GLB1L3: variants seen among roughly 807,000 people sequenced by gnomAD.
The protein encoded by GLB1L3 is beta-galactosidase-1-like protein 3.
Under a neutral mutation model 89.5 loss-of-function variants are expected in GLB1L3, and 89 were observed. The observed-to-expected ratio is 0.99, with a 90% CI of 0.84 to 1.19. The LOEUF is 1.19. GLB1L3 is among the 50% of genes most tolerant of loss of function. The pLI, the probability that GLB1L3 is intolerant of heterozygous loss-of-function variation, is 0.00. For missense variants in GLB1L3, 812 were observed against 813.3 expected, an observed-to-expected ratio of 1.00 and a Z score of 0.02; for synonymous variants, 314 against 312.3, an observed-to-expected ratio of 1.01 and a Z score of -0.06.
At chr11:134,309,949 A>G in intron 11 of GLB1L3, 186 bp downstream of exon 11, 1 of 656,408 alleles carries the variant, frequency 1.5e-6, no homozygotes, top group Non-Finnish European at 2.6e-6. Flanking sequence ...CTGTCATTGC[A>G]GTAGACAGGG....
At chr11:134,318,852 C>A (rs1260029146) in intron 19 of GLB1L3, 25 bp from the exon 20 acceptor site, 2 of 1,605,314 alleles carry the variant, frequency 1.2e-6, no homozygotes, top group Non-Finnish European at 1.7e-6. Flanking sequence ...ACCTTTCCCA[C>A]TGTCAACCTT....
chr11:134,313,889 A>C, intron 16 of GLB1L3, 52 bp from the exon 17 acceptor site: 1 of 1,159,262 alleles, frequency 8.6e-7, no homozygotes, highest in Non-Finnish European at 1.3e-6. Flanking sequence ...ATGCTAGAGA[A>C]TATCCAGTCC....
In GLB1L3 at chr11:134,289,076, C is replaced by T. The variant is rs959821241; in HGVS notation, c.729+186C>T. 6.1e-4 allele frequency: 312 copies of T among 511,666 alleles called. 2 individuals carry two copies. The highest frequency in any genetic ancestry group is 7.6e-5 in the Non-Finnish European group (22 of 289,622). 31.7% of individuals were successfully genotyped at this position (511,666 alleles called of 1,614,324 possible). ...GAAAATTTGCGTATAACTTTTGACT[C>T]CCTCAAAATTTAGTCACTAATAGTC... On this transcript the variant is annotated intron_variant, in intron 7 of 19. Transcript: ENST00000431683.
intron 5 of GLB1L3, among the ~76,000 whole-genome samples, chr11:134,282,790 C>T (rs940360432): frequency 6.6e-6 from 1 of 152,224 alleles, no homozygotes; most frequent in Admixed American, 6.5e-5. Context: ...AGCACCTCTG[C>T]ACCTCAGAGT....
downstream of GLB1L3, among the ~76,000 whole-genome samples, chr11:134,319,762 A>G (rs894301947): frequency 5.3e-4 from 77 of 144,924 alleles, 1 homozygote; most frequent in Admixed American, 4.4e-3. Context: ...GCGCGCGTGC[A>G]TGTGTGTGTG....
rs1158392369 is a variant in GLB1L3, at chr11:134,288,905, G to T, written c.729+15G>T. On this transcript the variant is annotated intron_variant, in intron 7 of 19. Coordinates refer to ENST00000431683, the MANE Select transcript of GLB1L3 (RefSeq NM_001080407.3). ...ATCTCCACAAGGTAAGAGGGCCTTG[G>T]TTTGGCCCCATGTTTACATGCCTCC... 2.5e-6 allele frequency: 4 copies of T among 1,578,088 alleles called. No individual in the cohort carries two copies. The highest frequency in any genetic ancestry group is 3.5e-6 in the Non-Finnish European group (4 of 1,152,326).
In GLB1L3 at chr11:134,296,625, A is replaced by G. The variant is rs1432881363; in HGVS notation, c.876+3416A>G. On this transcript the variant is annotated intron_variant, in intron 9 of 19. Transcript: ENST00000431683. ...CCAAACACCGCATATTCTCACTCAT[A>G]GGTGGGAACTGAACAATGAGAACAC... 5.0e-4 allele frequency among the ~76,000 whole-genome samples: 71 copies of G among 142,940 alleles called. No homozygotes were observed. The East Asian group carries it at 0.014, about 29-fold the overall frequency. The allele number at this position is 142,940 out of a possible 152,430, so 93.8% of individuals were successfully genotyped here. A position where few individuals can be genotyped will look rare whatever the true frequency, so the allele number is the denominator to read the frequency against.
At chr11:134,296,864 AAAAC>A (rs146319598) in intron 9 of GLB1L3, among the ~76,000 whole-genome samples, 16,637 of 146,852 alleles carry the variant, frequency 0.11, 1,012 homozygotes, top group Middle Eastern at 0.18. Flanking sequence ...AATAATAATA[AAAAC>A]AAACAAACAA....
intron 7 of GLB1L3, among the ~76,000 whole-genome samples, chr11:134,291,459 T>C (rs1174237796): frequency 6.6e-6 from 1 of 152,128 alleles, no homozygotes; most frequent in African/African-American, 2.4e-5. Flanking sequence ...TTGGCCAAGC[T>C]GGTCTCAAAC....
chr11:134,288,770 C>T (rs761701394), intron 6 of GLB1L3, 28 bp from the exon 7 acceptor site: 5 of 1,581,108 alleles, frequency 3.2e-6, no homozygotes, highest in Non-Finnish European at 4.3e-6. Context: ...TAGCCTCACT[C>T]TTTAACCCTC....
intron 10 of GLB1L3, among the ~76,000 whole-genome samples, chr11:134,307,886 C>T (rs943887664): frequency 1.3e-5 from 2 of 152,112 alleles, no homozygotes; most frequent in Non-Finnish European, 1.5e-5. Flanking sequence ...CAGTCGTTTA[C>T]TTAATAGGCA....
At chr11:134,316,886 A>G (rs1165895024) in intron 18 of GLB1L3, 1 of 152,234 alleles carries the variant, frequency 6.6e-6, no homozygotes, top group Non-Finnish European at 1.5e-5. Context: ...TTTGGGGGAC[A>G]TTGAGAAGCT....
chr11:134,282,909 T>C (rs1226207639), intron 5 of GLB1L3, among the ~76,000 whole-genome samples: 2 of 152,174 alleles, frequency 1.3e-5, no homozygotes, highest in African/African-American at 4.8e-5. Context: ...AAGCAGTGAC[T>C]CCCGGCATAG....
intron 6 of GLB1L3, among the ~76,000 whole-genome samples, chr11:134,286,518 GT>G (rs34616466): frequency 0.94 from 142,420 of 151,838 alleles, 67,118 homozygotes; most frequent in Non-Finnish European, 0.99. Flanking sequence ...GCTCACGCCT[GT>G]TAATCCCAGC....
intron 11 of GLB1L3, chr11:134,310,353 C>A: frequency 1.8e-6 from 1 of 547,150 alleles, no homozygotes; most frequent in Non-Finnish European, 3.3e-6. Context: ...GAAGTGGGGG[C>A]AAGCCCAGTG....
chr11:134,298,728 C>G (rs1941783626), intron 9 of GLB1L3, among the ~76,000 whole-genome samples: 1 of 152,282 alleles, frequency 6.6e-6, no homozygotes, highest in South Asian at 2.1e-4. Flanking sequence ...TCTGAGGCCT[C>G]CCCAGCTATG....
intron 6 of GLB1L3, among the ~76,000 whole-genome samples, chr11:134,286,267 G>A (rs1196929444): frequency 3.3e-5 from 5 of 152,178 alleles, no homozygotes; most frequent in Admixed American, 2.0e-4. Context: ...AACAAAGGAA[G>A]AATGTGAGAG....
At chr11:134,312,544 G>C in intron 14 of GLB1L3, 55 bp downstream of exon 14, 1 of 1,588,156 alleles carries the variant, frequency 6.3e-7, no homozygotes, top group Non-Finnish European at 8.5e-7. Context: ...TCCCCATGCT[G>C]TCGGGCAGGG....
intron 10 of GLB1L3, among the ~76,000 whole-genome samples, chr11:134,308,468 CACCAAATACCACCACCACCAT>C (rs1942474384): frequency 5.5e-5 from 1 of 18,162 alleles, no homozygotes; most frequent in Non-Finnish European, 1.0e-4. Context: ...CCACCACCAC[CACCAAATACCACCACCACCAT>C]CACCACCAAA....
Sources: allele counts gnomAD v4.1 joint callset (sites outside exome capture counted in the v4.1 genomes callset), GRCh38; gene constraint gnomAD v4.1.1; transcripts MANE v1.5; gene names NCBI Gene and HGNC (gene_info 2026-07-23, HGNC 2026-07-21).